The following ADAMTSL1 variants were observed in gnomAD, a reference collection of about 807,000 sequenced individuals.
ADAMTSL1 encodes the protein ADAMTS-like protein 1.
In ADAMTSL1, 126 loss-of-function variants were observed where a neutral mutation model predicts 201.8. The observed-to-expected ratio is 0.62, with a 90% CI of 0.54 to 0.72. The LOEUF (loss-of-function observed/expected upper bound fraction) is 0.72. ADAMTSL1 is among the 30% of genes least tolerant of loss of function. The pLI is 0.00. For synonymous variants in ADAMTSL1, 1,121 were observed against 903.4 expected (o/e 1.24, Z -4.32); for missense variants, 2,679 against 2,277.8 (o/e 1.18, Z -3.59).
At chr9:18,862,151 T>G (rs1190960382) in intron 23 of ADAMTSL1, among the ~76,000 whole-genome samples, 1 of 152,168 alleles carries the variant, frequency 6.6e-6, no homozygotes, top group Non-Finnish European at 1.5e-5. Flanking sequence ...CCATTCTTCA[T>G]ATCCACTGCT....
chr9:18,428,685 T>C, intron 2 of ADAMTSL1, among the ~76,000 whole-genome samples: 1 of 152,124 alleles, frequency 6.6e-6, no homozygotes, highest in East Asian at 1.9e-4. Flanking sequence ...AGAAGGCAAA[T>C]TGTGCTACAT....
chr9:18,298,299 C>T (rs773611986), intron 2 of ADAMTSL1, among the ~76,000 whole-genome samples: 15 of 152,178 alleles, frequency 9.9e-5, no homozygotes, highest in East Asian at 3.9e-4. Context: ...TAAAGATATA[C>T]GGCCCATGAG....
intron 2 of ADAMTSL1, among the ~76,000 whole-genome samples, chr9:18,358,547 C>T (rs556444152): frequency 4.4e-4 from 67 of 152,288 alleles, no homozygotes; most frequent in Admixed American, 2.9e-3. Flanking sequence ...CAACCCTTAT[C>T]CCCTGGAAAT....
chr9:18,468,110 T>A (rs903397462), intron 2 of ADAMTSL1, among the ~76,000 whole-genome samples: 3 of 152,208 alleles, frequency 2.0e-5, no homozygotes, highest in African/African-American at 7.2e-5. Flanking sequence ...GACAGTTTAT[T>A]TGTTGCCAAG....
intron 7 of ADAMTSL1, among the ~76,000 whole-genome samples, chr9:18,655,806 TAAAAAAAAAAAAAAAAA>T (rs56662538): frequency 3.7e-5 from 3 of 81,868 alleles, no homozygotes; most frequent in Non-Finnish European, 4.1e-5. Context: ...TTTGTGAGCT[TAAAAAAAAAAAAAAAAA>T]AAAAAAAAAA....
intron 4 of ADAMTSL1, among the ~76,000 whole-genome samples, chr9:18,590,236 G>A (rs2132471949): frequency 6.6e-6 from 1 of 151,980 alleles, no homozygotes; most frequent in South Asian, 2.1e-4. Context: ...TCAGTTTTCT[G>A]TTTTCTCCTG....
At chr9:18,079,731 T>A (rs540267002) in intron 1 of ADAMTSL1, among the ~76,000 whole-genome samples, 5 of 147,504 alleles carry the variant, frequency 3.4e-5, no homozygotes, top group East Asian at 2.0e-4. Context: ...ATAAATAAAA[T>A]AAAAAATAAA....
At chr9:18,444,435 T>G (rs1334334866) in intron 2 of ADAMTSL1, among the ~76,000 whole-genome samples, 3 of 152,142 alleles carry the variant, frequency 2.0e-5, no homozygotes, top group African/African-American at 7.2e-5. Context: ...GATTCCAAAA[T>G]TCATGGTTCT....
chr9:18,889,661 G>A lies in ADAMTSL1; in HGVS notation c.4556G>A (p.Ser1519Asn). The A allele has an allele frequency of 6.2e-7, 1 of 1,611,106 alleles. No homozygotes were observed. Among genetic ancestry groups the A allele is most frequent in the Non-Finnish European group, 8.5e-7 (1 of 1,178,664 alleles). The change falls in exon 25 of 29, where the codon AGC becomes AAC. Residue 1519 changes from serine to asparagine, a missense_variant. Physicochemically the swap from Ser to Asn is conservative, Grantham distance 46. Coordinates refer to ENST00000380548, the MANE Select transcript of ADAMTSL1 (RefSeq NM_001040272.6). Reference protein sequence around the residue: ...QQPRLRCLLNSTEVNPAHCAG... With the variant: ...QQPRLRCLLNNTEVNPAHCAG... ...CCCCGCTTGAGGTGCCTGCTGAACA[G>A]CACGGAGGTCAACCCTGCCCACTGC... is the stretch of plus-strand genomic sequence containing the variant.
At chr9:17,919,302 G>C (rs1321188536) in intron 1 of ADAMTSL1, among the ~76,000 whole-genome samples, 3 of 150,998 alleles carry the variant, frequency 2.0e-5, no homozygotes, top group Non-Finnish European at 4.4e-5. Context: ...TTCACAAACA[G>C]TACAATTTAT....
At chr9:18,330,427 T>G (rs1834984422) in intron 2 of ADAMTSL1, among the ~76,000 whole-genome samples, 1 of 151,958 alleles carries the variant, frequency 6.6e-6, no homozygotes, top group Admixed American at 6.6e-5. Context: ...TATTCTGTGC[T>G]CCATCATAAC....
intron 13 of ADAMTSL1, among the ~76,000 whole-genome samples, chr9:18,691,264 A>G (rs1294914407): frequency 2.6e-5 from 4 of 152,188 alleles, no homozygotes; most frequent in African/African-American, 9.6e-5. Flanking sequence ...ACTACATGGT[A>G]ATGCATAAAG....
intron 23 of ADAMTSL1, among the ~76,000 whole-genome samples, chr9:18,851,300 G>C (rs1366568784): frequency 6.6e-6 from 1 of 152,080 alleles, no homozygotes; most frequent in African/African-American, 2.4e-5. Flanking sequence ...AGGTGAGAAA[G>C]GGTAATAAAG....
chr9:18,665,774 G>T (rs1365579308), intron 9 of ADAMTSL1, among the ~76,000 whole-genome samples: 1 of 151,954 alleles, frequency 6.6e-6, no homozygotes, highest in East Asian at 1.9e-4. Flanking sequence ...TAGTTCTTGA[G>T]GCTGAAGAGA....
At chr9:18,770,851 T>C (rs1263841543) in intron 17 of ADAMTSL1, 70 bp downstream of exon 17, 2 of 1,472,930 alleles carry the variant, frequency 1.4e-6, no homozygotes, top group South Asian at 1.2e-5. Flanking sequence ...GACATATACA[T>C]AGAAAAGGCA....
At chr9:18,603,585 A>T (rs1824813420) in intron 4 of ADAMTSL1, among the ~76,000 whole-genome samples, 1 of 152,170 alleles carries the variant, frequency 6.6e-6, no homozygotes, top group African/African-American at 2.4e-5. Flanking sequence ...CTCCTCAACA[A>T]CCAACCCACA....
At chr9:18,403,868 T>C (rs187529867) in intron 2 of ADAMTSL1, among the ~76,000 whole-genome samples, 1 of 152,312 alleles carries the variant, frequency 6.6e-6, no homozygotes, top group East Asian at 1.9e-4. Flanking sequence ...TATGGTCTTC[T>C]ACATATGTTA....
intron 3 of ADAMTSL1, among the ~76,000 whole-genome samples, chr9:18,536,707 G>C (rs528237644): frequency 4.3e-4 from 66 of 152,252 alleles, no homozygotes; most frequent in African/African-American, 1.6e-3. Context: ...ATCTCTGGAA[G>C]GAAAGACAAA....
intron 1 of ADAMTSL1, among the ~76,000 whole-genome samples, chr9:18,152,066 C>T (rs1826940621): frequency 1.3e-5 from 2 of 152,092 alleles, no homozygotes; most frequent in Non-Finnish European, 2.9e-5. Flanking sequence ...ATAATTATCA[C>T]CACTATTCTG....
Sources: gnomAD v4.1 joint callset for allele counts (sites outside exome capture counted in the v4.1 genomes callset) on GRCh38, gnomAD v4.1.1 for gene constraint, MANE v1.5 for transcripts, NCBI Gene and HGNC (gene_info 2026-07-23, HGNC 2026-07-21) for gene names.